FGD4: variants seen among roughly 807,000 people sequenced by gnomAD.
FGD4 encodes the protein FYVE, RhoGEF and PH domain containing 4.
In FGD4, 42 loss-of-function variants were observed where a neutral mutation model predicts 102.0. The observed-to-expected ratio is 0.41, with a 90% CI of 0.32 to 0.53. FGD4 has a LOEUF of 0.53. FGD4 is among the 20% of genes least tolerant of loss of function. The probability of loss-of-function intolerance (pLI) is 0.21; values close to 1 mark genes in which losing one functional copy is unlikely to be tolerated. For synonymous variants in FGD4, 380 were observed against 375.7 expected (o/e 1.01, Z -0.13); for missense variants, 902 against 1,078.2 (o/e 0.84, Z 2.29).
intron 7 of FGD4, among the ~76,000 whole-genome samples, chr12:32,603,973 A>G (rs1000987770): frequency 1.7e-4 from 26 of 152,298 alleles, no homozygotes; most frequent in African/African-American, 6.0e-4. Flanking sequence ...GGCATGAGCC[A>G]CTGCACTCAA....
intron 1 of FGD4, chr12:32,534,597 G>T: frequency 1.4e-6 from 1 of 704,328 alleles, no homozygotes. Context: ...GGCAGAGTTT[G>T]GTTTTCTTTT....
intron 7 of FGD4, among the ~76,000 whole-genome samples, chr12:32,607,480 C>T (rs943304747): frequency 1.3e-5 from 2 of 152,098 alleles, no homozygotes; most frequent in African/African-American, 4.8e-5. Context: ...TGTGATGTTA[C>T]AGATTGAGGT....
chr12:32,537,999 G>A (rs1358812584), intron 1 of FGD4, among the ~76,000 whole-genome samples: 1 of 152,080 alleles, frequency 6.6e-6, no homozygotes, highest in East Asian at 1.9e-4. Flanking sequence ...AGGCTGAAAC[G>A]ATCCTCCCAC....
At chr12:32,619,892 C>G in intron 11 of FGD4, 22 bp downstream of exon 11, 1 of 1,613,406 alleles carries the variant, frequency 6.2e-7, no homozygotes, top group South Asian at 1.1e-5. Flanking sequence ...ATTTCTATCA[C>G]ACTGCTTTCC....
chr12:32,638,966 T>C, intron 16 of FGD4, 171 bp downstream of exon 16: 1 of 1,460,806 alleles, frequency 6.8e-7, no homozygotes, highest in Non-Finnish European at 9.0e-7. Flanking sequence ...GATTGATTCA[T>C]TTTATAGCCT....
At chr12:32,620,001 G>A (rs1377232424) in intron 11 of FGD4, 131 bp downstream of exon 11, 2 of 1,091,336 alleles carry the variant, frequency 1.8e-6, no homozygotes, top group African/African-American at 1.6e-5. Context: ...GGATGTAAAT[G>A]CAGAGCTGTA....
chr12:32,527,185 TA>T lies in FGD4; in HGVS notation c.167-36946del, dbSNP rs551691261. Among the ~76,000 whole-genome samples the T allele has an allele frequency of 1.1e-3, 167 of 152,292 alleles. 1 individual carries two copies. Among genetic ancestry groups the T allele is most frequent in the Non-Finnish European group, 2.0e-3 (139 of 68,024 alleles). ...GGAGAAATTTACTAGGATGCTCTTTTAAAAAATAATAAAATTATGTTTGTTA... is the reference window on the plus strand; with the variant it reads ...GGAGAAATTTACTAGGATGCTCTTTTAAAAATAATAAAATTATGTTTGTTA... On this transcript the variant is annotated intron_variant, in intron 1 of 16. Transcript: ENST00000534526.
intron 1 of FGD4, among the ~76,000 whole-genome samples, chr12:32,472,439 G>A (rs904882744): frequency 2.6e-5 from 4 of 152,222 alleles, no homozygotes; most frequent in Non-Finnish European, 5.9e-5. Flanking sequence ...ACCCGGGCCA[G>A]TGGCTGCGGA....
chr12:32,595,016 G>A (rs1947769849), intron 4 of FGD4, among the ~76,000 whole-genome samples: 1 of 139,508 alleles, frequency 7.2e-6, no homozygotes, highest in South Asian at 2.3e-4. Context: ...GGGTGACAGA[G>A]CGAGACTCCG....
chr12:32,470,661 C>T (rs1006576127), intron 1 of FGD4, among the ~76,000 whole-genome samples: 4 of 151,912 alleles, frequency 2.6e-5, no homozygotes, highest in African/African-American at 9.7e-5. Flanking sequence ...TCCATGTTGG[C>T]CATGCTGGTC....
intron 1 of FGD4, among the ~76,000 whole-genome samples, chr12:32,512,135 C>T (rs1939435633): frequency 6.6e-6 from 1 of 152,006 alleles, no homozygotes; most frequent in African/African-American, 2.4e-5. Context: ...AAAGTTGTGG[C>T]TTGAGGGCTC....
At chr12:32,473,030 A>G (rs1162751054) in intron 1 of FGD4, among the ~76,000 whole-genome samples, 4 of 151,578 alleles carry the variant, frequency 2.6e-5, no homozygotes, top group Non-Finnish European at 4.4e-5. Flanking sequence ...CTCTGTATCT[A>G]GCTGCTCTGG....
At chr12:32,556,399 A>G (rs1391132633) in intron 1 of FGD4, among the ~76,000 whole-genome samples, 1 of 152,052 alleles carries the variant, frequency 6.6e-6, no homozygotes, top group East Asian at 1.9e-4. Context: ...CACCCACTAA[A>G]CAATAACTCC....
chr12:32,638,208 A>T (rs1367151241), intron 15 of FGD4, among the ~76,000 whole-genome samples: 1 of 152,136 alleles, frequency 6.6e-6, no homozygotes, highest in African/African-American at 2.4e-5. Flanking sequence ...CAAAAAATTT[A>T]AAAATTCTCT....
At position 32,406,415 on chromosome 12, in the gene FGD4, G is replaced by A. The variant is rs552635644; in HGVS notation, c.166+6456G>A. On this transcript the variant is annotated intron_variant, in intron 1 of 16. Transcript: ENST00000534526. ...CTAAAAATACAAAAATTAGCCAGGC[G>A]TGGTGGTGGGCGCCTGTAATCCCAG... Among the ~76,000 whole-genome samples, 740 of 151,892 alleles carry A rather than the reference G, an allele frequency of 4.9e-3. 7 individuals carry two copies. The highest frequency in any genetic ancestry group is 0.013 in the African/African-American group (543 of 41,462).
At chr12:32,613,055 T>C (rs1054303511) in intron 10 of FGD4, among the ~76,000 whole-genome samples, 8 of 152,218 alleles carry the variant, frequency 5.3e-5, no homozygotes, top group Admixed American at 2.6e-4. Flanking sequence ...CATTGAATAA[T>C]AGCTTAATAA....
At chr12:32,631,997 C>G (rs1201903106) in intron 14 of FGD4, among the ~76,000 whole-genome samples, 1 of 152,142 alleles carries the variant, frequency 6.6e-6, no homozygotes, top group Non-Finnish European at 1.5e-5. Context: ...ACAGGTATGT[C>G]TAATTCTAAA....
intron 6 of FGD4, 47 bp from the exon 7 acceptor site, chr12:32,602,114 C>A: frequency 1.9e-6 from 3 of 1,558,490 alleles, no homozygotes; most frequent in African/African-American, 1.4e-5. Flanking sequence ...GACCCTGTCT[C>A]AAAAAAAAAT....
intron 1 of FGD4, among the ~76,000 whole-genome samples, chr12:32,458,628 A>G (rs1170987028): frequency 6.6e-6 from 1 of 152,206 alleles, no homozygotes; most frequent in Non-Finnish European, 1.5e-5. Context: ...GTTAATTTCA[A>G]GTGCTCCATC....
Sources: allele counts gnomAD v4.1 joint callset (sites outside exome capture counted in the v4.1 genomes callset), GRCh38; gene constraint gnomAD v4.1.1; transcripts MANE v1.5; gene names NCBI Gene and HGNC (gene_info 2026-07-23, HGNC 2026-07-21).